The following CA5A variants were observed in gnomAD, a reference collection of about 807,000 sequenced individuals.
The protein encoded by CA5A is carbonic anhydrase 5A.
Under a neutral mutation model 37.1 loss-of-function variants are expected in CA5A, and 28 were observed. The observed-to-expected ratio is 0.75, with a 90% CI of 0.56 to 1.03. The LOEUF is 1.03. Ranked by LOEUF, CA5A falls within the 50% of genes least tolerant of loss-of-function variation. CA5A has a pLI of 0.00. For missense variants in CA5A, 444 were observed against 399.9 expected, an observed-to-expected ratio of 1.11 and a Z score of -0.94; for synonymous variants, 171 against 158.4, an observed-to-expected ratio of 1.08 and a Z score of -0.60.
intron 5 of CA5A, among the ~76,000 whole-genome samples, chr16:87,896,215 G>T (rs2055800129): frequency 6.6e-6 from 1 of 152,224 alleles, no homozygotes; most frequent in Non-Finnish European, 1.5e-5. Flanking sequence ...CCGTTCCGAG[G>T]TGCGGGCTCT....
chr16:87,903,651 G>C (rs1255867030), intron 3 of CA5A, among the ~76,000 whole-genome samples: 1 of 152,194 alleles, frequency 6.6e-6, no homozygotes, highest in East Asian at 1.9e-4. Flanking sequence ...CTCTGGGTGT[G>C]AGATTACAAG....
At chr16:87,902,022 G>T (rs73239028) in intron 4 of CA5A, 48 bp from the exon 5 acceptor site, 38 of 1,532,924 alleles carry the variant, frequency 2.5e-5, no homozygotes, top group East Asian at 2.5e-4. Context: ...AGTGGATGGG[G>T]GGGGAAGCTC....
intron 2 of CA5A, among the ~76,000 whole-genome samples, chr16:87,923,153 T>C (rs898119244): frequency 6.6e-6 from 1 of 152,220 alleles, no homozygotes; most frequent in Non-Finnish European, 1.5e-5. Context: ...CTCTCTCTAG[T>C]GGCTTCTGTT....
chr16:87,934,311 G>A (rs2056443606), intron 1 of CA5A, among the ~76,000 whole-genome samples: 2 of 152,280 alleles, frequency 1.3e-5, no homozygotes, highest in South Asian at 2.1e-4. Context: ...GCTCACGCCT[G>A]CAATCCCAGC....
intron 5 of CA5A, among the ~76,000 whole-genome samples, chr16:87,901,510 G>A (rs907840688): frequency 1.3e-5 from 2 of 152,028 alleles, no homozygotes; most frequent in African/African-American, 2.4e-5. Context: ...TTTCCACTAC[G>A]CCATTTCTTT....
chr16:87,919,042 G>A (rs979772796), intron 2 of CA5A, among the ~76,000 whole-genome samples: 1 of 152,254 alleles, frequency 6.6e-6, no homozygotes, highest in Non-Finnish European at 1.5e-5. Context: ...CATTTCCATG[G>A]CCCGGGAGAC....
At chr16:87,927,454 A>G (rs1411172067) in intron 1 of CA5A, among the ~76,000 whole-genome samples, 3 of 152,192 alleles carry the variant, frequency 2.0e-5, no homozygotes, top group Non-Finnish European at 4.4e-5. Context: ...CAAGGAGGAA[A>G]TGAGACCCCA....
At chr16:87,922,800 T>A (rs1236475303) in intron 2 of CA5A, among the ~76,000 whole-genome samples, 1 of 152,254 alleles carries the variant, frequency 6.6e-6, no homozygotes, top group Non-Finnish European at 1.5e-5. Flanking sequence ...TTTGTGAATG[T>A]TGGATGCAGA....
chr16:87,892,557 AAT>A (rs1370873489), intron 5 of CA5A, among the ~76,000 whole-genome samples: 2 of 118,016 alleles, frequency 1.7e-5, no homozygotes, highest in African/African-American at 3.0e-5. Context: ...AATAATAATA[AAT>A]TAATTAATAA....
intron 1 of CA5A, among the ~76,000 whole-genome samples, chr16:87,927,483 A>C (rs1201023055): frequency 2.0e-5 from 3 of 152,226 alleles, no homozygotes; most frequent in African/African-American, 7.2e-5. Context: ...AAAATTAAGC[A>C]GAGTGGCAGC....
rs553473928 is a variant in CA5A at position 87,929,704 on chromosome 16, C to G, written c.143-2759G>C. Among the ~76,000 whole-genome samples, 18 of 151,134 alleles carry G rather than the reference C, an allele frequency of 1.2e-4. No homozygotes were observed. The East Asian group carries it at 3.5e-3, about 30-fold the overall frequency. The stretch of plus-strand genomic sequence containing the variant: ...TGGCTAACACCGTGAAACCCGGTCT[C>G]TACTAAAAATACAAAAAATTAGCCG... On this transcript the variant is annotated intron_variant, in intron 1 of 6. Transcript: ENST00000649794.
At chr16:87,934,461 G>A (rs533989785) in intron 1 of CA5A, among the ~76,000 whole-genome samples, 3 of 152,196 alleles carry the variant, frequency 2.0e-5, no homozygotes, top group Non-Finnish European at 4.4e-5. Context: ...CCAGCTACTC[G>A]GGAGGCTGAG....
intron 2 of CA5A, among the ~76,000 whole-genome samples, chr16:87,916,178 A>AAAC (rs1567529365): frequency 1.4e-5 from 2 of 142,348 alleles, no homozygotes; most frequent in Non-Finnish European, 3.2e-5. Flanking sequence ...AAAAAAAAAA[A>AAAC]AAACAAAAAA....
chr16:87,902,389 T>C, intron 4 of CA5A, 36 bp downstream of exon 4: 1 of 1,219,386 alleles, frequency 8.2e-7, no homozygotes, highest in Non-Finnish European at 1.2e-6. Flanking sequence ...GGATCACCAC[T>C]TTCTTCATTA....
intron 2 of CA5A, among the ~76,000 whole-genome samples, chr16:87,914,358 A>G (rs1597569704): frequency 6.6e-6 from 1 of 152,018 alleles, no homozygotes; most frequent in Non-Finnish European, 1.5e-5. Flanking sequence ...TCGTCAGGCA[A>G]CCGCCAGCAG....
At chr16:87,889,210 G>A (rs1478925453) in intron 6 of CA5A, among the ~76,000 whole-genome samples, 1 of 151,868 alleles carries the variant, frequency 6.6e-6, no homozygotes, top group Non-Finnish European at 1.5e-5. Context: ...TTTAGCCACT[G>A]TGCTAGGCCT....
intron 5 of CA5A, among the ~76,000 whole-genome samples, chr16:87,900,014 C>T (rs1213164444): frequency 6.7e-6 from 1 of 150,046 alleles, no homozygotes; most frequent in South Asian, 2.1e-4. Flanking sequence ...AGGACCAGAG[C>T]TCAGTCCGCG....
At chr16:87,934,259 G>A (rs2056442950) in intron 1 of CA5A, among the ~76,000 whole-genome samples, 1 of 152,258 alleles carries the variant, frequency 6.6e-6, no homozygotes, top group African/African-American at 2.4e-5. Flanking sequence ...CCAAGGCTGG[G>A]GGAAGTTAAG....
chr16:87,918,183 G>A (rs183123882), intron 2 of CA5A, among the ~76,000 whole-genome samples: 53 of 152,298 alleles, frequency 3.5e-4, no homozygotes, highest in Middle Eastern at 3.4e-3. Flanking sequence ...GGAAGCTATT[G>A]TCTACTAAAT....
Sources: allele counts gnomAD v4.1 joint callset (sites outside exome capture counted in the v4.1 genomes callset), GRCh38; gene constraint gnomAD v4.1.1; transcripts MANE v1.5; gene names NCBI Gene and HGNC (gene_info 2026-07-23, HGNC 2026-07-21).